LARP1: variants seen among roughly 807,000 people sequenced by gnomAD.
LARP1 encodes la-related protein 1.
A neutral mutation model predicts 122.7 loss-of-function variants in LARP1; 36 were observed. The ratio of observed to expected loss-of-function variants is 0.29; its 90% CI spans 0.22 to 0.39. The LOEUF (loss-of-function observed/expected upper bound fraction) is 0.39. Ranked by LOEUF, LARP1 falls within the 10% of genes least tolerant of loss-of-function variation. LARP1 has a pLI of 1.00. For synonymous variants in LARP1, 539 were observed against 528.7 expected, an observed-to-expected ratio of 1.02 and a Z score of -0.27; for missense variants, 1,040 against 1,403.6, an observed-to-expected ratio of 0.74 and a Z score of 4.14.
intron 1 of LARP1, among the ~76,000 whole-genome samples, chr5:154,769,495 G>A (rs1411750245): frequency 6.6e-6 from 1 of 152,208 alleles, no homozygotes; most frequent in Non-Finnish European, 1.5e-5. Flanking sequence ...AAGGTCTTAG[G>A]GTAGGAGTTG....
chr5:154,795,222 G>A lies in LARP1; in HGVS notation c.1280G>A (p.Arg427Gln). 6.2e-7 allele frequency: 1 copy of A among 1,613,976 alleles called. No individual in the cohort carries two copies. Among genetic ancestry groups the A allele is most frequent in the Non-Finnish European group, 8.5e-7 (1 of 1,179,870 alleles). Reference protein sequence around the residue: ...VDNLERDFFLRRKMDADGFLP... With the variant: ...VDNLERDFFLQRKMDADGFLP... ...AATTTAGAGCGAGACTTCTTCCTGC[G>A]AAGGAAAATGGATGCTGATGGTTTC... is the stretch of plus-strand genomic sequence containing the variant. The change falls in exon 8 of 19, where the codon CGA (arginine) becomes CAA (glutamine). Residue 427 changes from arginine (R) to glutamine (Q), a missense_variant. Arg to Gln is a conservative substitution (Grantham distance 43). Transcript: ENST00000518297.
chr5:154,755,204 GTGCGCGCGCCGTCCCGCCGCCTCC>G (rs1443118226), upstream of LARP1, among the ~76,000 whole-genome samples: 1 of 148,094 alleles, frequency 6.8e-6, no homozygotes, highest in Non-Finnish European at 1.5e-5. Context: ...CCGCGTAGCC[GTGCGCGCGCCGTCCCGCCGCCTCC>G]TGCCCGCCCG....
At chr5:154,811,851 A>C (rs980546827) in intron 18 of LARP1, among the ~76,000 whole-genome samples, 10 of 152,080 alleles carry the variant, frequency 6.6e-5, no homozygotes, top group Non-Finnish European at 1.5e-4. Flanking sequence ...GCTCCTGCTT[A>C]CCCTTTCTGT....
At chr5:154,799,391 GTATT>G (rs1177514818) in intron 8 of LARP1, among the ~76,000 whole-genome samples, 196 bp from the exon 9 acceptor site, 2 of 152,170 alleles carry the variant, frequency 1.3e-5, no homozygotes, top group African/African-American at 4.8e-5. Flanking sequence ...AAGGGTAGGT[GTATT>G]TATTATGCTG....
exon 1 of LARP1, among the ~76,000 whole-genome samples, chr5:154,683,014 C>T (rs60628720): frequency 0.023 from 3,495 of 152,282 alleles, 125 homozygotes; most frequent in African/African-American, 0.074. Context: ...CGCTGCCGGC[C>T]GTGCTGGGAG....
intron 1 of LARP1, among the ~76,000 whole-genome samples, chr5:154,743,510 G>C (rs1404069672): frequency 6.6e-6 from 1 of 151,204 alleles, no homozygotes; most frequent in Non-Finnish European, 1.5e-5. Flanking sequence ...GGTTTCACCA[G>C]ATTGTCCAGG....
chr5:154,793,799 G>C lies in LARP1; in HGVS notation c.869-1G>C. On this transcript the variant is annotated splice_acceptor_variant, in intron 5 of 18. Transcript: ENST00000518297. LOFTEE classifies it high-confidence loss of function. ...CTGACCTGGTACCCCTCTCCCCATAGGGTCTGAGTCTGCCACCTACGTGCC... is the reference window on the plus strand; with the variant it reads ...CTGACCTGGTACCCCTCTCCCCATACGGTCTGAGTCTGCCACCTACGTGCC... 6.2e-7 allele frequency: 1 copy of C among 1,614,144 alleles called. No homozygotes were observed. Among genetic ancestry groups the C allele is most frequent in the Non-Finnish European group, 8.5e-7 (1 of 1,180,026 alleles).
intron 8 of LARP1, among the ~76,000 whole-genome samples, chr5:154,795,922 TTATATTTATATATTA>T (rs1310326562): frequency 1.5e-4 from 16 of 106,014 alleles, no homozygotes; most frequent in Admixed American, 2.8e-4. Context: ...TATTATATAT[TTATATTTATATATTA>T]TATATTTATA....
chr5:154,754,020 G>A (rs1441210465), upstream of LARP1, among the ~76,000 whole-genome samples: 1 of 152,184 alleles, frequency 6.6e-6, no homozygotes, highest in Admixed American at 6.5e-5. Flanking sequence ...AAGCACCAAA[G>A]GGATCTTGCT....
At chr5:154,683,157 A>ACGGGCCC (rs1753773385) in intron 1 of LARP1, among the ~76,000 whole-genome samples, 1 of 152,156 alleles carries the variant, frequency 6.6e-6, no homozygotes, top group African/African-American at 2.4e-5. Flanking sequence ...GGGACGGGCG[A>ACGGGCCC]CGGGCCCCGG....
chr5:154,811,394 T>C, intron 17 of LARP1, 38 bp downstream of exon 17: 1 of 1,600,364 alleles, frequency 6.2e-7, no homozygotes, highest in South Asian at 1.1e-5. Flanking sequence ...GGCCTGGTCA[T>C]GTAGGCCTCC....
chr5:154,685,292 A>G (rs1368227523), intron 1 of LARP1, among the ~76,000 whole-genome samples: 1 of 150,882 alleles, frequency 6.6e-6, no homozygotes, highest in Non-Finnish European at 1.5e-5. Context: ...CTTCTGAGCC[A>G]TGCAGGGTGG....
chr5:154,781,456 G>A (rs1756430489), intron 1 of LARP1, among the ~76,000 whole-genome samples: 1 of 152,112 alleles, frequency 6.6e-6, no homozygotes, highest in Non-Finnish European at 1.5e-5. Context: ...AGCTGGGCAT[G>A]GTGACACACA....
chr5:154,778,255 G>C (rs1301671023), intron 1 of LARP1, among the ~76,000 whole-genome samples: 1 of 116,530 alleles, frequency 8.6e-6, no homozygotes, highest in African/African-American at 3.3e-5. Flanking sequence ...GCGAGACTCC[G>C]TCTAAAAAAA....
chr5:154,732,369 T>C (rs904069285), intron 1 of LARP1, among the ~76,000 whole-genome samples: 1 of 152,172 alleles, frequency 6.6e-6, no homozygotes, highest in Non-Finnish European at 1.5e-5. Flanking sequence ...TGAACTTCAG[T>C]CTTCTATCTG....
intron 1 of LARP1, among the ~76,000 whole-genome samples, chr5:154,706,888 A>T (rs1023837426): frequency 6.6e-6 from 1 of 152,190 alleles, no homozygotes. Flanking sequence ...TTTCCCAGTA[A>T]ATACTTGCCT....
At chr5:154,750,194 T>C (rs757059442) in intron 1 of LARP1, among the ~76,000 whole-genome samples, 36 of 152,256 alleles carry the variant, frequency 2.4e-4, no homozygotes, top group African/African-American at 3.6e-4. Context: ...TTGTTTTGTT[T>C]TGTTTTGTTT....
chr5:154,809,627 A>C (rs1047760229), intron 16 of LARP1, among the ~76,000 whole-genome samples: 1 of 151,668 alleles, frequency 6.6e-6, no homozygotes, highest in Admixed American at 6.6e-5. Flanking sequence ...ATGTTTGAAC[A>C]TGTCTTTTCC....
At chr5:154,717,859 T>G (rs1034881954) in intron 1 of LARP1, among the ~76,000 whole-genome samples, 2 of 151,982 alleles carry the variant, frequency 1.3e-5, no homozygotes, top group Admixed American at 6.6e-5. Flanking sequence ...ATGTTCTCTC[T>G]TTCTCTGACA....
Sources: allele counts gnomAD v4.1 joint callset (sites outside exome capture counted in the v4.1 genomes callset), GRCh38; gene constraint gnomAD v4.1.1; transcripts MANE v1.5; gene names NCBI Gene and HGNC (gene_info 2026-07-23, HGNC 2026-07-21).